The following RPH3A variants were observed in gnomAD, a reference collection of about 807,000 sequenced individuals.
The protein encoded by RPH3A is rabphilin 3A.
RPH3A carries 48 observed loss-of-function variants against 102.2 expected under a neutral mutation model. The ratio of observed to expected loss-of-function variants is 0.47; its 90% CI spans 0.37 to 0.60. The LOEUF (loss-of-function observed/expected upper bound fraction) is 0.60. Among genes scored for constraint, RPH3A ranks in the 20% least tolerant of loss-of-function variants. RPH3A has a pLI of 0.00. For synonymous variants in RPH3A, 310 were observed against 324.3 expected (o/e 0.96, Z 0.47); for missense variants, 781 against 910.1 (o/e 0.86, Z 1.83).
rs1020266496 is a variant in RPH3A, at chr12:112,808,385, A to G, written c.-19+16122A>G. On this transcript the variant is annotated intron_variant, in intron 2 of 21. Transcript: ENST00000389385. ...TGGTGGAGCGGCAGGCTTATTCAAT[A>G]TTTAAGAAGACCTGCATTGCAGGCA... Among the ~76,000 whole-genome samples the G allele has an allele frequency of 7.2e-5, 11 of 152,216 alleles. No homozygotes were observed. The South Asian group carries it at 1.4e-3, about 20-fold the overall frequency.
chr12:112,751,702 A>G (rs1375389117), intron 1 of RPH3A, among the ~76,000 whole-genome samples: 1 of 152,146 alleles, frequency 6.6e-6, no homozygotes, highest in East Asian at 1.9e-4. Context: ...GGATTGCTTG[A>G]GCCCAGGAGT....
At chr12:112,801,336 C>A (rs961051641) in intron 2 of RPH3A, among the ~76,000 whole-genome samples, 2 of 152,244 alleles carry the variant, frequency 1.3e-5, no homozygotes, top group African/African-American at 4.8e-5. Context: ...TCACACAGAG[C>A]ATGCAGCAGG....
rs1467350581 is a variant in RPH3A at position 112,622,245 on chromosome 12, C to T, written c.-140+46926C>T. Among the ~76,000 whole-genome samples the T allele has an allele frequency of 3.0e-4, 25 of 83,140 alleles. 1 individual carries two copies. Among genetic ancestry groups the T allele is most frequent in the Non-Finnish European group, 4.5e-4 (23 of 51,082 alleles). The allele number at this position is 83,140 out of a possible 152,430, so 54.5% of individuals were successfully genotyped here. On this transcript the variant is annotated intron_variant, in intron 1 of 21. Transcript: ENST00000543106. ...CGAGCTGAGAGAAGAAGGCTTCAGA[C>T]GATCAAATGACTCTGAGCTACGGGA...
intron 1 of RPH3A, among the ~76,000 whole-genome samples, chr12:112,676,888 G>A (rs916750156): frequency 6.6e-6 from 1 of 152,190 alleles, no homozygotes; most frequent in Non-Finnish European, 1.5e-5. Flanking sequence ...CAATATTAGG[G>A]AGGAAGGTTG....
Position 112,818,035 on chromosome 12 carries a change from G to A in RPH3A, c.-18-10266G>A, listed in dbSNP as rs556950267. ...CTCAACTTAAGAAGAACAAAAGGCC[G>A]GGCATGGTGGCTCACGCCTGTAATC... is the stretch of plus-strand genomic sequence containing the variant. On this transcript the variant is annotated intron_variant, in intron 2 of 21. Transcript: ENST00000389385. 2.2e-4 allele frequency among the ~76,000 whole-genome samples: 34 copies of A among 152,268 alleles called. 1 individual carries two copies. Among genetic ancestry groups the A allele is most frequent in the African/African-American group, 7.0e-4 (29 of 41,542 alleles).
At chr12:112,694,910 C>A (rs1204752617) in intron 1 of RPH3A, 1 of 169,758 alleles carries the variant, frequency 5.9e-6, no homozygotes, top group Non-Finnish European at 1.5e-5. Context: ...TTGTGAAAAT[C>A]TGAAGTCACT....
intron 1 of RPH3A, among the ~76,000 whole-genome samples, chr12:112,718,615 C>T (rs957040489): frequency 1.2e-4 from 19 of 152,254 alleles, no homozygotes; most frequent in African/African-American, 3.1e-4. Context: ...ATTGCCACTG[C>T]GCGTTGCTGA....
At chr12:112,653,113 G>A (rs140988052) in intron 1 of RPH3A, among the ~76,000 whole-genome samples, 8 of 152,096 alleles carry the variant, frequency 5.3e-5, no homozygotes, top group African/African-American at 1.9e-4. Flanking sequence ...AATACAGGCC[G>A]AGGGAGGTGG....
chr12:112,870,520 A>G (rs2042690927), intron 10 of RPH3A, among the ~76,000 whole-genome samples: 1 of 151,996 alleles, frequency 6.6e-6, no homozygotes, highest in African/African-American at 2.4e-5. Context: ...TGGTGGGTTT[A>G]TTTGGTAAGA....
intron 1 of RPH3A, among the ~76,000 whole-genome samples, chr12:112,599,040 G>T (rs2039538735): frequency 6.6e-6 from 1 of 152,172 alleles, no homozygotes; most frequent in South Asian, 2.1e-4. Context: ...TTGTTCCGCA[G>T]TGCAGCCATT....
intron 1 of RPH3A, among the ~76,000 whole-genome samples, chr12:112,761,308 G>T (rs1015338997): frequency 2.0e-5 from 3 of 152,020 alleles, no homozygotes; most frequent in Non-Finnish European, 4.4e-5. Context: ...GTGTGCATGC[G>T]TCTGTGTGTG....
At chr12:112,777,496 A>G (rs1450989769) in intron 1 of RPH3A, among the ~76,000 whole-genome samples, 2 of 152,200 alleles carry the variant, frequency 1.3e-5, no homozygotes, top group African/African-American at 4.8e-5. Flanking sequence ...TCAAGGCAGC[A>G]AGGCAGCGAT....
At chr12:112,796,503 C>T (rs927229885) in intron 2 of RPH3A, among the ~76,000 whole-genome samples, 2 of 152,302 alleles carry the variant, frequency 1.3e-5, no homozygotes, top group African/African-American at 2.4e-5. Context: ...GATTTACTAG[C>T]GAACATGTCA....
At chr12:112,722,239 G>C (rs1027345433) in intron 1 of RPH3A, among the ~76,000 whole-genome samples, 2 of 152,182 alleles carry the variant, frequency 1.3e-5, no homozygotes, top group Non-Finnish European at 2.9e-5. Context: ...TTGGTTATTG[G>C]AATTGTTTCC....
intron 1 of RPH3A, among the ~76,000 whole-genome samples, chr12:112,637,845 C>T (rs2039859073): frequency 6.6e-6 from 1 of 151,914 alleles, no homozygotes; most frequent in African/African-American, 2.4e-5. Flanking sequence ...GCAGCCCCAC[C>T]TGGTTCTTTT....
chr12:112,865,095 AC>A (rs1325557247), intron 5 of RPH3A, among the ~76,000 whole-genome samples: 1 of 152,178 alleles, frequency 6.6e-6, no homozygotes. Flanking sequence ...AGATAAATAG[AC>A]CTAAATAAAT....
intron 19 of RPH3A, chr12:112,893,500 A>AT (rs2043132639): frequency 6.6e-6 from 1 of 152,086 alleles, no homozygotes; most frequent in African/African-American, 2.4e-5. Flanking sequence ...CCCAGGAAAT[A>AT]TTTTGTTTTG....
At chr12:112,631,503 A>G (rs1046682982) in intron 1 of RPH3A, among the ~76,000 whole-genome samples, 3 of 151,868 alleles carry the variant, frequency 2.0e-5, no homozygotes, top group African/African-American at 7.3e-5. Context: ...AAGTGTATAA[A>G]TTTATTTTCT....
chr12:112,665,782 A>G (rs1223280832), intron 1 of RPH3A, among the ~76,000 whole-genome samples: 1 of 152,100 alleles, frequency 6.6e-6, no homozygotes, highest in African/African-American at 2.4e-5. Context: ...GCATAAGGAG[A>G]TTAGACTTAT....
Sources: allele counts gnomAD v4.1 joint callset (sites outside exome capture counted in the v4.1 genomes callset), GRCh38; gene constraint gnomAD v4.1.1; transcripts MANE v1.5; gene names NCBI Gene and HGNC (gene_info 2026-07-23, HGNC 2026-07-21).